DLC1: variants seen among roughly 807,000 people sequenced by gnomAD.
DLC1 encodes the protein DLC1 Rho GTPase activating protein, also known as rho GTPase-activating protein 7.
In DLC1, 54 loss-of-function variants were observed where a neutral mutation model predicts 140.3. The observed-to-expected ratio is 0.38, with a 90% CI of 0.31 to 0.48. The LOEUF (loss-of-function observed/expected upper bound fraction) is 0.48. Among genes scored for constraint, DLC1 ranks in the 20% least tolerant of loss-of-function variants. DLC1 has a pLI of 0.96. For missense variants in DLC1, 2,536 were observed against 1,907.0 expected (o/e 1.33, Z -6.14); for synonymous variants, 986 against 728.1 (o/e 1.35, Z -5.70).
At chr8:13,094,391 C>T (rs564206064) in intron 12 of DLC1, among the ~76,000 whole-genome samples, 22 of 152,260 alleles carry the variant, frequency 1.4e-4, no homozygotes, top group South Asian at 1.0e-3. Flanking sequence ...CAAGGCCAGG[C>T]GTGGTGGCTC....
intron 8 of DLC1, among the ~76,000 whole-genome samples, chr8:13,101,385 A>G (rs1317983846): frequency 6.6e-6 from 1 of 152,194 alleles, no homozygotes; most frequent in Non-Finnish European, 1.5e-5. Flanking sequence ...CAGGCATGCA[A>G]AATATTTTGA....
upstream of DLC1, chr8:13,514,967 G>C (rs1021053748): frequency 3.9e-6 from 1 of 258,456 alleles, no homozygotes; most frequent in East Asian, 6.8e-5. Context: ...GGAGGGGAGA[G>C]CCCAGCCGCC....
At chr8:13,413,253 G>C (rs1281859570) in intron 2 of DLC1, among the ~76,000 whole-genome samples, 1 of 33,300 alleles carries the variant, frequency 3.0e-5, no homozygotes, top group Non-Finnish European at 6.7e-5. Flanking sequence ...AGATTTTTTT[G>C]CGATTTTTTT....
chr8:13,575,886 A>G (rs1804819280), intron 1 of DLC1, among the ~76,000 whole-genome samples: 1 of 152,218 alleles, frequency 6.6e-6, no homozygotes, highest in Admixed American at 6.5e-5. Flanking sequence ...GTATGCACTG[A>G]GACATGTGTA....
intron 1 of DLC1, among the ~76,000 whole-genome samples, chr8:13,578,913 G>T (rs185702844): frequency 5.3e-5 from 8 of 151,732 alleles, no homozygotes; most frequent in Non-Finnish European, 1.2e-4. Flanking sequence ...TCAACCTTCC[G>T]CCCTACTCCC....
chr8:13,397,928 C>G (rs772872211), intron 3 of DLC1, among the ~76,000 whole-genome samples: 1 of 151,952 alleles, frequency 6.6e-6, no homozygotes, highest in Non-Finnish European at 1.5e-5. Flanking sequence ...GTGAGGAGAT[C>G]GAGACCATCC....
chr8:13,167,996 G>GT (rs963271405), intron 5 of DLC1, among the ~76,000 whole-genome samples: 13 of 152,046 alleles, frequency 8.6e-5, no homozygotes, highest in South Asian at 2.1e-4. Context: ...AAATCTGCAT[G>GT]TTTTTTTCAT....
intron 5 of DLC1, among the ~76,000 whole-genome samples, chr8:13,169,075 T>G (rs993708827): frequency 4.6e-5 from 7 of 152,382 alleles, no homozygotes; most frequent in African/African-American, 1.7e-4. Flanking sequence ...TATCTTCATC[T>G]TCACCTTGTT....
intron 2 of DLC1, among the ~76,000 whole-genome samples, chr8:13,482,096 GT>G (rs2117121855): frequency 6.6e-6 from 1 of 152,226 alleles, no homozygotes; most frequent in East Asian, 1.9e-4. Context: ...ATGACTTTCT[GT>G]TCTTTTAAGC....
At position 13,211,976 on chromosome 8, in the gene DLC1, G is replaced by A. The variant is rs1297611833; in HGVS notation, c.1348+93293C>T. ...TGACAAACTAAAGCTGGTCAACAAC[G>A]AGGTTAAATAAATCATAACCAGGAC... On this transcript the variant is annotated intron_variant, in intron 5 of 17. Coordinates refer to ENST00000276297, the MANE Select transcript of DLC1 (RefSeq NM_182643.3). 2.0e-5 allele frequency among the ~76,000 whole-genome samples: 3 copies of A among 152,166 alleles called. No homozygotes were observed. The East Asian group carries it at 5.8e-4, about 29-fold the overall frequency.
chr8:13,180,349 C>T (rs1380211904), intron 5 of DLC1, among the ~76,000 whole-genome samples: 1 of 152,168 alleles, frequency 6.6e-6, no homozygotes, highest in Non-Finnish European at 1.5e-5. Context: ...GTGTGTGTCA[C>T]ACAGCACAAT....
At chr8:13,299,599 C>T (rs1012264888) in intron 5 of DLC1, among the ~76,000 whole-genome samples, 11 of 149,906 alleles carry the variant, frequency 7.3e-5, no homozygotes, top group South Asian at 4.2e-4. Context: ...CAGAGAGCTA[C>T]GAGGGATTCT....
chr8:13,170,709 G>A (rs555265165), intron 5 of DLC1, among the ~76,000 whole-genome samples: 24 of 135,362 alleles, frequency 1.8e-4, no homozygotes, highest in East Asian at 6.4e-4. Flanking sequence ...CAGCCTGGGC[G>A]ACAGAGCAAG....
chr8:13,286,547 T>C (rs1360402968), intron 5 of DLC1, among the ~76,000 whole-genome samples: 1 of 152,098 alleles, frequency 6.6e-6, no homozygotes, highest in Non-Finnish European at 1.5e-5. Flanking sequence ...CATTATTATA[T>C]GAGAATATGC....
intron 1 of DLC1, among the ~76,000 whole-genome samples, chr8:13,574,477 T>G (rs1261305453): frequency 6.6e-6 from 1 of 152,136 alleles, no homozygotes; most frequent in African/African-American, 2.4e-5. Flanking sequence ...CATGAGATTC[T>G]AATACAGGTG....
chr8:13,297,282 T>TAAAAAAAAAAAAAAA (rs60048506), intron 5 of DLC1, among the ~76,000 whole-genome samples: 802 of 9,632 alleles, frequency 0.083, 297 homozygotes, highest in Admixed American at 0.26. Flanking sequence ...CTTCATACAT[T>TAAAAAAAAAAAAAAA]AAAAAAAAAA....
chr8:13,184,673 G>C (rs552097403), intron 5 of DLC1, among the ~76,000 whole-genome samples: 32 of 152,178 alleles, frequency 2.1e-4, no homozygotes, highest in African/African-American at 7.5e-4. Context: ...ACAGTTTGTT[G>C]TGATTTCTGT....
intron 2 of DLC1, among the ~76,000 whole-genome samples, chr8:13,416,246 T>G (rs1342907940): frequency 6.6e-6 from 1 of 152,170 alleles, no homozygotes; most frequent in Non-Finnish European, 1.5e-5. Context: ...TTGTTACATA[T>G]GCAAATATCA....
intron 5 of DLC1, among the ~76,000 whole-genome samples, chr8:13,223,353 ACTTTT>A (rs1828649130): frequency 6.6e-6 from 1 of 152,154 alleles, no homozygotes; most frequent in African/African-American, 2.4e-5. Flanking sequence ...ATCTAGCTGT[ACTTTT>A]CTTTAAAGAA....
Sources: allele counts gnomAD v4.1 joint callset (sites outside exome capture counted in the v4.1 genomes callset), GRCh38; gene constraint gnomAD v4.1.1; transcripts MANE v1.5; gene names NCBI Gene and HGNC (gene_info 2026-07-23, HGNC 2026-07-21).